The following LGR5 variants were observed in gnomAD, a reference collection of about 807,000 sequenced individuals.
LGR5 encodes the protein leucine-rich repeat-containing G protein-coupled receptor 5.
A neutral mutation model predicts 76.7 loss-of-function variants in LGR5; 54 were observed. The observed-to-expected ratio is 0.70, with a 90% CI of 0.57 to 0.88. The LOEUF is 0.88. Among genes scored for constraint, LGR5 ranks in the 40% least tolerant of loss-of-function variants. The pLI is 0.00. For missense variants in LGR5, 1,078 were observed against 1,073.3 expected (o/e 1.00, Z -0.06); for synonymous variants, 406 against 421.9 (o/e 0.96, Z 0.46).
intron 9 of LGR5, 60 bp from the exon 10 acceptor site, chr12:71,566,572 A>G: frequency 6.5e-7 from 1 of 1,546,564 alleles, no homozygotes; most frequent in Non-Finnish European, 8.9e-7. Flanking sequence ...GAAAATGGCA[A>G]TAAAAATTAC....
intron 1 of LGR5, among the ~76,000 whole-genome samples, chr12:71,450,799 G>A (rs11178803): frequency 0.06 from 9,144 of 151,974 alleles, 950 homozygotes; most frequent in African/African-American, 0.21. Context: ...CATGGTCTAC[G>A]TAGACCTCGA....
intron 1 of LGR5, among the ~76,000 whole-genome samples, chr12:71,495,172 A>G (rs1284063899): frequency 6.6e-6 from 1 of 151,356 alleles, no homozygotes; most frequent in Non-Finnish European, 1.5e-5. Context: ...GTAAGAAGTA[A>G]TTCATGAGTT....
At chr12:71,507,967 T>C (rs1874940028) in intron 2 of LGR5, among the ~76,000 whole-genome samples, 1 of 151,478 alleles carries the variant, frequency 6.6e-6, no homozygotes, top group Non-Finnish European at 1.5e-5. Context: ...ACACCTGTAA[T>C]CCCAGCACTT....
At chr12:71,541,738 T>C (rs1031866166) in intron 4 of LGR5, among the ~76,000 whole-genome samples, 166 of 152,302 alleles carry the variant, frequency 1.1e-3, no homozygotes, top group African/African-American at 3.5e-3. Flanking sequence ...TATTCCCTCC[T>C]TAGTACTGAG....
intron 13 of LGR5, among the ~76,000 whole-genome samples, chr12:71,575,720 ATATGTGTGTGTG>A (rs1801524657): frequency 1.6e-5 from 2 of 122,816 alleles, no homozygotes; most frequent in South Asian, 4.9e-4. Flanking sequence ...CAAAAAATAT[ATATGTGTGTGTG>A]TGTGTGTGTG....
chr12:71,498,508 G>T (rs1459379632), intron 1 of LGR5, among the ~76,000 whole-genome samples: 1 of 152,166 alleles, frequency 6.6e-6, no homozygotes, highest in East Asian at 1.9e-4. Flanking sequence ...ATAGTGTAGT[G>T]GTTAGCATTT....
chr12:71,491,495 T>G (rs1874071535), intron 1 of LGR5, among the ~76,000 whole-genome samples: 1 of 152,100 alleles, frequency 6.6e-6, no homozygotes. Context: ...CATGGAGGCT[T>G]TATGTCCCTT....
intron 4 of LGR5, among the ~76,000 whole-genome samples, chr12:71,539,108 G>A (rs1876746717): frequency 2.0e-5 from 3 of 152,268 alleles, no homozygotes; most frequent in Non-Finnish European, 4.4e-5. Flanking sequence ...AAGAAATGCA[G>A]AACACTTGGT....
chr12:71,542,645 A>G (rs563587737), intron 4 of LGR5, among the ~76,000 whole-genome samples: 1 of 152,290 alleles, frequency 6.6e-6, no homozygotes, highest in East Asian at 1.9e-4. Flanking sequence ...TTGGCTATGA[A>G]GAATGAAGCA....
intron 1 of LGR5, among the ~76,000 whole-genome samples, chr12:71,476,369 C>T (rs562718176): frequency 3.3e-5 from 5 of 152,266 alleles, no homozygotes; most frequent in Admixed American, 6.5e-5. Context: ...AATTGCTTAA[C>T]TTCTCCCCAA....
At chr12:71,444,205 A>G (rs1871887587) in intron 1 of LGR5, among the ~76,000 whole-genome samples, 1 of 152,106 alleles carries the variant, frequency 6.6e-6, no homozygotes, top group Admixed American at 6.5e-5. Context: ...CAAAAATAGT[A>G]ACTCTTATAA....
intron 11 of LGR5, among the ~76,000 whole-genome samples, chr12:71,569,289 A>C (rs1000706211): frequency 2.0e-5 from 3 of 152,260 alleles, no homozygotes; most frequent in Non-Finnish European, 4.4e-5. Context: ...CAATTGCAAC[A>C]AAAGCAAAAA....
At chr12:71,582,641 C>A in intron 17 of LGR5, 102 bp downstream of exon 17, 1 of 830,876 alleles carries the variant, frequency 1.2e-6, no homozygotes, top group Non-Finnish European at 2.0e-6. Context: ...TCTGTGCCAA[C>A]TTTGCAGCTC....
In LGR5 at chr12:71,584,591, TC is replaced by T; in HGVS notation, c.2583del (p.Cys862ValfsTer8). 6.2e-7 allele frequency: 1 copy of T among 1,614,070 alleles called. No homozygotes were observed. Among genetic ancestry groups the T allele is most frequent in the Non-Finnish European group, 8.5e-7 (1 of 1,180,026 alleles). Reference protein sequence around the residue: ...SINSDDVEKQSCDSTQALVTF... With the variant: ...SINSDDVEKQXCDSTQALVTF... ...TAACTCTGATGATGTCGAAAAACAG[TC>T]CTGTGACTCAACTCAAGCCTTGGTA... On this transcript the variant is annotated frameshift_variant, in exon 18 of 18. Transcript: ENST00000266674. LOFTEE classifies it high-confidence loss of function.
chr12:71,455,047 C>T (rs1490528940), intron 1 of LGR5, among the ~76,000 whole-genome samples: 4 of 152,050 alleles, frequency 2.6e-5, no homozygotes, highest in Admixed American at 6.6e-5. Flanking sequence ...AGTTCTTAAA[C>T]TTGCCAACAC....
At chr12:71,492,191 G>A (rs912099155) in intron 1 of LGR5, among the ~76,000 whole-genome samples, 3 of 152,138 alleles carry the variant, frequency 2.0e-5, no homozygotes, top group Admixed American at 1.3e-4. Flanking sequence ...GGCTTTCAAC[G>A]TTATCAACTC....
chr12:71,512,949 G>C (rs1170228350), intron 2 of LGR5, among the ~76,000 whole-genome samples: 2 of 152,208 alleles, frequency 1.3e-5, no homozygotes, highest in African/African-American at 2.4e-5. Context: ...TGAGAACCCT[G>C]AGAGAGAAAC....
intron 1 of LGR5, among the ~76,000 whole-genome samples, chr12:71,465,634 C>A (rs1005326141): frequency 6.6e-6 from 1 of 152,184 alleles, no homozygotes; most frequent in African/African-American, 2.4e-5. Flanking sequence ...GCTGCATAAA[C>A]TTCCTTTCTT....
intron 5 of LGR5, among the ~76,000 whole-genome samples, chr12:71,556,050 T>C (rs1182880414): frequency 6.6e-6 from 1 of 152,140 alleles, no homozygotes; most frequent in Non-Finnish European, 1.5e-5. Flanking sequence ...CCATTATCCT[T>C]AGCAAACTAA....
Sources: gnomAD v4.1 joint callset for allele counts (sites outside exome capture counted in the v4.1 genomes callset) on GRCh38, gnomAD v4.1.1 for gene constraint, MANE v1.5 for transcripts, NCBI Gene and HGNC (gene_info 2026-07-23, HGNC 2026-07-21) for gene names.